The following FAM131B variants were observed in gnomAD, a reference collection of about 807,000 sequenced individuals.
The protein encoded by FAM131B is protein FAM131B.
FAM131B carries 19 observed loss-of-function variants against 42.0 expected under a neutral mutation model. That is an observed-to-expected ratio of 0.45 (90% CI 0.32 to 0.66). The LOEUF (loss-of-function observed/expected upper bound fraction) is 0.66. Ranked by LOEUF, FAM131B falls within the 30% of genes least tolerant of loss-of-function variation. The probability of loss-of-function intolerance (pLI) is 0.05; values close to 1 mark genes in which losing one functional copy is unlikely to be tolerated. For missense variants in FAM131B, 370 were observed against 468.4 expected, an observed-to-expected ratio of 0.79 and a Z score of 1.94; for synonymous variants, 183 against 177.6, an observed-to-expected ratio of 1.03 and a Z score of -0.24.
chr7:143,375,068 C>T, the FAM131B span, among the ~76,000 whole-genome samples: 10 of 152,348 alleles, frequency 6.6e-5, no homozygotes, highest in African/African-American at 2.2e-4. Context: ...TCCCCAGCAC[C>T]TAACAAACTG....
the FAM131B span, among the ~76,000 whole-genome samples, chr7:143,371,298 G>A: frequency 6.6e-6 from 1 of 152,042 alleles, no homozygotes; most frequent in Non-Finnish European, 1.5e-5. Context: ...TATATTTAAG[G>A]TGATAATTAC....
At chr7:143,380,467 G>A in the FAM131B span, 1 of 985,220 alleles carries the variant, frequency 1.0e-6, no homozygotes, top group Non-Finnish European at 1.2e-6. The surrounding 1 kb of genome is among the most constrained non-coding windows in gnomAD (Gnocchi z 5.0). Flanking sequence ...GTCGTGGTGG[G>A]CGTTGAAGGG....
upstream of FAM131B, among the ~76,000 whole-genome samples, chr7:143,367,165 A>C (rs1384516407): frequency 6.6e-6 from 1 of 152,156 alleles, no homozygotes; most frequent in Non-Finnish European, 1.5e-5. Flanking sequence ...GTGCTGGGGC[A>C]CAGCAAGTTT....
At chr7:143,369,134 C>T in the FAM131B span, among the ~76,000 whole-genome samples, 1 of 152,202 alleles carries the variant, frequency 6.6e-6, no homozygotes, top group African/African-American at 2.4e-5. Flanking sequence ...ATTCACCTCT[C>T]AGATTTTTAC....
At position 143,359,301 on chromosome 7, in the gene FAM131B, G is replaced by A. The variant is rs1371940909; in HGVS notation, c.268+25C>T. The A allele has an allele frequency of 1.9e-6, 3 of 1,555,176 alleles. No individual in the cohort carries two copies. The highest frequency in any genetic ancestry group is 2.7e-6 in the Non-Finnish European group (3 of 1,128,550). ...GTCTGTCAGCATTATTTTGTCTGAAGGCATTCTTACATCAGGAGTCTCACC... is the reference window on the plus strand; with the variant it reads ...GTCTGTCAGCATTATTTTGTCTGAAAGCATTCTTACATCAGGAGTCTCACC... On this transcript the variant is annotated intron_variant, in intron 4 of 6. Transcript: ENST00000443739. This position sits in a 1 kb window ranked among gnomAD's most constrained non-coding sequence, Gnocchi z 5.4.
chr7:143,363,698 G>A (rs1316742873), upstream of FAM131B, among the ~76,000 whole-genome samples: 1 of 152,158 alleles, frequency 6.6e-6, no homozygotes, highest in Non-Finnish European at 1.5e-5. Context: ...TTTTGTCTAA[G>A]GTGTACCCAG....
rs976003025 is a variant in FAM131B at position 143,355,896 on chromosome 7, C to T, written c.*654G>A. On this transcript the variant is annotated 3_prime_UTR_variant, in exon 7 of 7. Transcript: ENST00000443739. This position sits in a 1 kb window ranked among gnomAD's most constrained non-coding sequence, Gnocchi z 4.1. Reference sequence around the variant, plus strand: ...CCGGGCAGGCCTTGATAGAAAGAACCACATCCGTGCCCCCTGTAGATCTCA... The same window carrying T: ...CCGGGCAGGCCTTGATAGAAAGAACTACATCCGTGCCCCCTGTAGATCTCA... The T allele has an allele frequency of 6.5e-6, 1 of 153,218 alleles. No individual in the cohort carries two copies. The highest frequency in any genetic ancestry group is 6.5e-5 in the Admixed American group (1 of 15,372). 9.5% of individuals were successfully genotyped at this position (153,218 alleles called of 1,614,324 possible). A position where few individuals can be genotyped will look rare whatever the true frequency, so the allele number is the denominator to read the frequency against.
chr7:143,368,176 G>A, the FAM131B span, among the ~76,000 whole-genome samples: 1 of 152,232 alleles, frequency 6.6e-6, no homozygotes, highest in Non-Finnish European at 1.5e-5. Flanking sequence ...CGACCAGGCA[G>A]GATGCCAGGA....
chr7:143,380,141 G>A, the FAM131B span: 23 of 985,204 alleles, frequency 2.3e-5, no homozygotes, highest in African/African-American at 3.8e-4. This position sits in a 1 kb window ranked among gnomAD's most constrained non-coding sequence, Gnocchi z 5.0. Context: ...AAGCGCCTAC[G>A]GGTGCATACT....
In FAM131B at chr7:143,356,268, G is replaced by C; in HGVS notation, c.*282C>G. 1 of 448,686 alleles carries C rather than the reference G, an allele frequency of 2.2e-6. No homozygotes were observed. Among genetic ancestry groups the C allele is most frequent in the Non-Finnish European group, 4.0e-6 (1 of 249,360 alleles). 27.8% of individuals were successfully genotyped at this position (448,686 alleles called of 1,614,324 possible). A position where few individuals can be genotyped will look rare whatever the true frequency, so the allele number is the denominator to read the frequency against. On this transcript the variant is annotated 3_prime_UTR_variant, in exon 7 of 7. Transcript: ENST00000443739. The surrounding 1 kb of genome is among the most constrained non-coding windows in gnomAD (Gnocchi z 4.4). ...GGGTGCACACACTGGAGGCTTTGTCGGCACAGACCCAGAAGCCCACAGCCC... is the reference window on the plus strand; with the variant it reads ...GGGTGCACACACTGGAGGCTTTGTCCGCACAGACCCAGAAGCCCACAGCCC...
chr7:143,380,035 A>C, the FAM131B span: 16 of 982,406 alleles, frequency 1.6e-5, no homozygotes, highest in Non-Finnish European at 1.9e-5. The surrounding 1 kb of genome is among the most constrained non-coding windows in gnomAD (Gnocchi z 5.0). Context: ...GCTCCTTGCC[A>C]GTAGAGTGTA....
Position 143,362,181 on chromosome 7 carries a change from G to A in FAM131B, c.28+395C>T, listed in dbSNP as rs1001492262. 1.5e-5 allele frequency: 3 copies of A among 203,074 alleles called. No homozygotes were observed. The highest frequency in any genetic ancestry group is 1.4e-4 in the East Asian group (1 of 7,392). The allele number at this position is 203,074 out of a possible 1,614,324, so 12.6% of individuals were successfully genotyped here. ...GGCGCGGAGGCCGAGGGTCCTTCGC[G>A]GGGGGCTGCTCCGGAGTGGGGGATG... On this transcript the variant is annotated intron_variant, in intron 1 of 6. Coordinates refer to ENST00000443739, the MANE Select transcript of FAM131B (RefSeq NM_001031690.3). This position sits in a 1 kb window ranked among gnomAD's most constrained non-coding sequence, Gnocchi z 7.7.
At chr7:143,377,049 C>T in the FAM131B span, among the ~76,000 whole-genome samples, 1 of 152,172 alleles carries the variant, frequency 6.6e-6, no homozygotes, top group Non-Finnish European at 1.5e-5. Context: ...GATCTCGGCT[C>T]ACTGCAACCT....
rs1483678042 is a variant in FAM131B, at chr7:143,356,847, T to C, written c.786A>G (p.Glu262=). Residue 262 remains glutamate, a synonymous_variant, in exon 7 of 7, where the codon GAA becomes GAG. Transcript: ENST00000443739. This position sits in a 1 kb window ranked among gnomAD's most constrained non-coding sequence, Gnocchi z 4.4. ...AFDDSQPSLH[E]MGPSQPASGY... ...CTGAAGCTGGTTGGGAAGGTCCCAT[T>C]TCATGCAAGCTGGGTTGTGAGTCAT... 3.7e-6 allele frequency: 6 copies of C among 1,614,070 alleles called. No individual in the cohort carries two copies. Among genetic ancestry groups the C allele is most frequent in the Non-Finnish European group, 5.1e-6 (6 of 1,180,012 alleles).
At chr7:143,364,758 T>A (rs2116498314), upstream of FAM131B, among the ~76,000 whole-genome samples, 1 of 152,330 alleles carries the variant, frequency 6.6e-6, no homozygotes, top group South Asian at 2.1e-4. Flanking sequence ...CTGCTACTTC[T>A]CACTAGTTAA....
rs140959798 is a variant in FAM131B, at chr7:143,353,719, G to T, written c.*2831C>A. On this transcript the variant is annotated 3_prime_UTR_variant, in exon 7 of 7. Transcript: ENST00000443739. Reference sequence around the variant, plus strand: ...GTGTGTGGGATGTATAGGTGAGGTCGTGGAGAAGATAATAAACTCATTCCC... The same window carrying T: ...GTGTGTGGGATGTATAGGTGAGGTCTTGGAGAAGATAATAAACTCATTCCC... 6.6e-6 allele frequency: 1 copy of T among 152,426 alleles called. No homozygotes were observed. Among genetic ancestry groups the T allele is most frequent in the Non-Finnish European group, 1.5e-5 (1 of 68,018 alleles). The allele number at this position is 152,426 out of a possible 1,614,324, so 9.4% of individuals were successfully genotyped here.
rs931414182 is a variant in FAM131B, at chr7:143,360,306, C to T, written c.29-157G>A. On this transcript the variant is annotated intron_variant, in intron 1 of 6. Coordinates refer to ENST00000443739, the MANE Select transcript of FAM131B (RefSeq NM_001031690.3). ...ATTCTAGGGGAGACAAGTAGTAATG[C>T]TGAGCCCAAATATTCAGTTTTAGCT... 126 of 1,448,486 alleles carry T rather than the reference C, an allele frequency of 8.7e-5. No individual in the cohort carries two copies. The Middle Eastern group carries it at 1.3e-3, about 15-fold the overall frequency. The allele number at this position is 1,448,486 out of a possible 1,614,324, so 89.7% of individuals were successfully genotyped here.
rs550886864 is a variant in FAM131B, at chr7:143,354,660, G to A, written c.*1890C>T. ...AGTCAGCACACGTTAGCAAGCACAA[G>A]AGGACTCTTCCCCTGTACAGGCAGC... On this transcript the variant is annotated 3_prime_UTR_variant, in exon 7 of 7. Transcript: ENST00000443739. 6.6e-6 allele frequency: 1 copy of A among 152,214 alleles called. No individual in the cohort carries two copies. The highest frequency in any genetic ancestry group is 1.5e-5 in the Non-Finnish European group (1 of 68,070). The allele number at this position is 152,214 out of a possible 1,614,324, so 9.4% of individuals were successfully genotyped here.
At chr7:143,375,163 C>T in the FAM131B span, among the ~76,000 whole-genome samples, 1 of 152,178 alleles carries the variant, frequency 6.6e-6, no homozygotes, top group Non-Finnish European at 1.5e-5. Context: ...TTAAGCTTTA[C>T]CAAATACAGG....
Sources: gnomAD v4.1 joint callset for allele counts (sites outside exome capture counted in the v4.1 genomes callset) on GRCh38, gnomAD v4.1.1 for gene constraint, Gnocchi (gnomAD v3.1) non-coding constraint, MANE v1.5 for transcripts, NCBI Gene and HGNC (gene_info 2026-07-23, HGNC 2026-07-21) for gene names.